Variants in IMMP2L observed in about 807,000 individuals in gnomAD.
IMMP2L encodes the protein mitochondrial inner membrane protease subunit 2.
In IMMP2L, 18 loss-of-function variants were observed where a neutral mutation model predicts 19.3. The observed-to-expected ratio is 0.93, with a 90% confidence interval of 0.64 to 1.38. IMMP2L has a LOEUF of 1.38. Among genes scored for constraint, IMMP2L ranks in the 40% most tolerant of loss-of-function variants. The pLI, the probability that IMMP2L is intolerant of heterozygous loss-of-function variation, is 0.00. For synonymous variants in IMMP2L, 76 were observed against 73.0 expected (o/e 1.04, Z -0.21); for missense variants, 233 against 218.2 (o/e 1.07, Z -0.43).
At chr7:111,140,845 A>G (rs1802806107) in intron 3 of IMMP2L, among the ~76,000 whole-genome samples, 2 of 152,314 alleles carry the variant, frequency 1.3e-5, no homozygotes, top group South Asian at 4.1e-4. Flanking sequence ...GTAATTCTAA[A>G]GCCACTTAGG....
rs1035523106 is a variant in IMMP2L at position 111,194,659 on chromosome 7, G to A, written c.240-231094C>T. On this transcript the variant is annotated intron_variant, in intron 3 of 5. Transcript: ENST00000405709. ...TATGTCTTCACAGTCAAATATATATGGAGCTGATAAAAACAATAATCAATA... is the reference window on the plus strand; with the variant it reads ...TATGTCTTCACAGTCAAATATATATAGAGCTGATAAAAACAATAATCAATA... 9.2e-5 allele frequency among the ~76,000 whole-genome samples: 14 copies of A among 152,002 alleles called. 1 individual carries two copies. Among genetic ancestry groups the A allele is most frequent in the African/African-American group, 3.4e-4 (14 of 41,358 alleles).
chr7:111,491,735 CTCTCTGTCTTTGACCTCA>C (rs1436942474), intron 2 of IMMP2L, among the ~76,000 whole-genome samples: 1 of 152,146 alleles, frequency 6.6e-6, no homozygotes, highest in Non-Finnish European at 1.5e-5. Context: ...CTCCCTCTTC[CTCTCTGTCTTTGACCTCA>C]GTATCCACAG....
intron 5 of IMMP2L, among the ~76,000 whole-genome samples, chr7:110,695,850 G>A (rs940977296): frequency 2.0e-5 from 3 of 151,928 alleles, no homozygotes; most frequent in Admixed American, 2.0e-4. Context: ...AGAGACAAAA[G>A]ATGAATGACA....
chr7:110,788,821 G>A (rs1037173907), intron 5 of IMMP2L, among the ~76,000 whole-genome samples: 5 of 151,682 alleles, frequency 3.3e-5, no homozygotes, highest in African/African-American at 1.2e-4. Context: ...ACCTTGACAT[G>A]TCTCCCATCA....
Position 111,347,822 on chromosome 7 carries a change from C to G in IMMP2L, c.239+139416G>C, listed in dbSNP as rs1335116446. On this transcript the variant is annotated intron_variant, in intron 3 of 5. Coordinates refer to ENST00000405709, the MANE Select transcript of IMMP2L (RefSeq NM_032549.4). ...AAGGCCCAATTCCATTGTGTGTCAT[C>G]TGTGACATAGTTCCCCACCTTTCCT... Among the ~76,000 whole-genome samples the G allele has an allele frequency of 2.6e-5, 4 of 152,060 alleles. 1 individual carries two copies. Among genetic ancestry groups the G allele is most frequent in the Non-Finnish European group, 5.9e-5 (4 of 68,012 alleles).
intron 4 of IMMP2L, among the ~76,000 whole-genome samples, chr7:110,902,903 GC>G (rs1410734026): frequency 9.1e-5 from 3 of 32,972 alleles, no homozygotes; most frequent in Non-Finnish European, 1.4e-4. Context: ...CTGCACTCCA[GC>G]CTGGGCGACA....
At chr7:111,303,411 T>C in intron 3 of IMMP2L, among the ~76,000 whole-genome samples, 1 of 152,120 alleles carries the variant, frequency 6.6e-6, no homozygotes, top group East Asian at 1.9e-4. Context: ...AATTTTTTGT[T>C]TGTTTACATA....
intron 3 of IMMP2L, among the ~76,000 whole-genome samples, chr7:111,275,896 C>G (rs1259517969): frequency 6.6e-6 from 1 of 152,002 alleles, no homozygotes; most frequent in Non-Finnish European, 1.5e-5. Flanking sequence ...ATTTTGTATC[C>G]TGAAACTTTA....
chr7:111,478,869 T>C (rs1841944187), intron 3 of IMMP2L, among the ~76,000 whole-genome samples: 1 of 152,214 alleles, frequency 6.6e-6, no homozygotes, highest in Non-Finnish European at 1.5e-5. Flanking sequence ...AAATGCCAAG[T>C]GTTGCGTATA....
intron 4 of IMMP2L, among the ~76,000 whole-genome samples, chr7:110,905,779 T>C (rs1231880699): frequency 3.3e-5 from 5 of 152,164 alleles, no homozygotes; most frequent in Admixed American, 1.3e-4. Context: ...AAACTGATAG[T>C]TGTCAGCTTG....
At chr7:110,773,545 G>A (rs978217607) in intron 5 of IMMP2L, among the ~76,000 whole-genome samples, 9 of 152,084 alleles carry the variant, frequency 5.9e-5, no homozygotes, top group Middle Eastern at 3.2e-3. Context: ...GCCAAACACC[G>A]TCTGGCAACA....
At chr7:111,450,311 T>C (rs1401452399) in intron 3 of IMMP2L, among the ~76,000 whole-genome samples, 4 of 151,576 alleles carry the variant, frequency 2.6e-5, no homozygotes, top group Non-Finnish European at 5.9e-5. Context: ...CTTCAAACTA[T>C]ACTACAAGGC....
intron 3 of IMMP2L, among the ~76,000 whole-genome samples, chr7:111,366,673 T>C (rs563115715): frequency 3.9e-5 from 6 of 152,058 alleles, no homozygotes; most frequent in East Asian, 3.9e-4. Flanking sequence ...TCTTAGGAAA[T>C]TGCATTGCGA....
At chr7:111,532,381 T>C (rs1264874505) in intron 1 of IMMP2L, 1 of 152,154 alleles carries the variant, frequency 6.6e-6, no homozygotes, top group Non-Finnish European at 1.5e-5. Flanking sequence ...TTGAAAAACT[T>C]TTTTAAAGAA....
At chr7:110,678,024 A>G (rs891355344) in intron 5 of IMMP2L, among the ~76,000 whole-genome samples, 1 of 152,182 alleles carries the variant, frequency 6.6e-6, no homozygotes, top group Admixed American at 6.5e-5. Flanking sequence ...CTGAACTCAC[A>G]AGAGTAATGG....
At chr7:110,895,466 C>A (rs1294808904) in intron 4 of IMMP2L, among the ~76,000 whole-genome samples, 1 of 152,112 alleles carries the variant, frequency 6.6e-6, no homozygotes, top group Non-Finnish European at 1.5e-5. Context: ...ATGAGTCCCC[C>A]AATTTTGTTA....
At chr7:111,257,218 CA>C (rs1242305269) in intron 3 of IMMP2L, among the ~76,000 whole-genome samples, 1 of 151,900 alleles carries the variant, frequency 6.6e-6, no homozygotes, top group Non-Finnish European at 1.5e-5. Context: ...CTAAAAGAGC[CA>C]TCTTAATAAA....
chr7:110,798,781 T>C (rs1479220413), intron 5 of IMMP2L, among the ~76,000 whole-genome samples: 2 of 151,870 alleles, frequency 1.3e-5, no homozygotes, highest in African/African-American at 4.8e-5. Context: ...TCTTATTATC[T>C]GATTAAAGGG....
At chr7:111,537,543 T>TC in intron 1 of IMMP2L, among the ~76,000 whole-genome samples, 1 of 143,008 alleles carries the variant, frequency 7.0e-6, no homozygotes. Context: ...TTTTTTTTTT[T>TC]TTTTTTTTTT....
Sources: gnomAD v4.1 joint callset for allele counts (sites outside exome capture counted in the v4.1 genomes callset) on GRCh38, gnomAD v4.1.1 for gene constraint, MANE v1.5 for transcripts, NCBI Gene and HGNC (gene_info 2026-07-23, HGNC 2026-07-21) for gene names.